Variants in PHF20 observed in about 807,000 individuals in gnomAD.
PHF20 encodes PHD finger protein 20, also known as glioma-expressed antigen 2.
In PHF20, 23 loss-of-function variants were observed where a neutral mutation model predicts 113.5. The ratio of observed to expected loss-of-function variants is 0.20; its 90% CI spans 0.15 to 0.29. The LOEUF is 0.29. Ranked by LOEUF, PHF20 falls within the 10% of genes least tolerant of loss-of-function variation. The pLI is 1.00. For synonymous variants in PHF20, 434 were observed against 457.3 expected (o/e 0.95, Z 0.65); for missense variants, 943 against 1,219.6 (o/e 0.77, Z 3.38).
rs1299504699 is a variant in PHF20 at position 35,949,012 on chromosome 20, G to A, written c.*1385G>A. ...GCGACCTTTGGAATAGTTAAGCACAGGTCATTGTGGACATGAATTCAGGCC... is the reference window on the plus strand; with the variant it reads ...GCGACCTTTGGAATAGTTAAGCACAAGTCATTGTGGACATGAATTCAGGCC... On this transcript the variant is annotated 3_prime_UTR_variant, in exon 18 of 18. Transcript: ENST00000374012. 1 of 152,540 alleles carries A rather than the reference G, an allele frequency of 6.6e-6. No homozygotes were observed. The highest frequency in any genetic ancestry group is 1.5e-5 in the Non-Finnish European group (1 of 67,998). 9.4% of individuals were successfully genotyped at this position (152,540 alleles called of 1,614,324 possible). A position where few individuals can be genotyped will look rare whatever the true frequency, so the allele number is the denominator to read the frequency against.
chr20:35,837,516 CT>C, intron 2 of PHF20, among the ~76,000 whole-genome samples: 1 of 152,338 alleles, frequency 6.6e-6, no homozygotes, highest in South Asian at 2.1e-4. Context: ...ATTCACATCT[CT>C]TTTGTTAACT....
chr20:35,832,407 G>A (rs1199468441), intron 2 of PHF20, among the ~76,000 whole-genome samples: 1 of 152,222 alleles, frequency 6.6e-6, no homozygotes, highest in Admixed American at 6.5e-5. Flanking sequence ...TAGTAAGTAA[G>A]AGACAGATGC....
chr20:35,917,580 A>G lies in PHF20; in HGVS notation c.1922A>G (p.Glu641Gly). ...GATGTGACCACCAACCCAGATGAGG[A>G]ACTTGATGGGGATGACCGCTATGAC... The part of the protein sequence containing the change: ...DVDVTTNPDE[E>G]LDGDDRYDFE... Residue 641 changes from glutamate to glycine, a missense_variant, in exon 13 of 18, where the codon GAA becomes GGA. Coordinates refer to ENST00000374012, the MANE Select transcript of PHF20 (RefSeq NM_016436.5). The G allele has an allele frequency of 6.2e-7, 1 of 1,613,960 alleles. No individual in the cohort carries two copies. The highest frequency in any genetic ancestry group is 8.5e-7 in the Non-Finnish European group (1 of 1,179,958).
chr20:35,832,150 C>T (rs2042367180), intron 2 of PHF20, among the ~76,000 whole-genome samples: 1 of 152,224 alleles, frequency 6.6e-6, no homozygotes, highest in African/African-American at 2.4e-5. Context: ...TCCCCAGCTT[C>T]ACTGCCTCTT....
At chr20:35,815,613 A>G (rs1275184373) in intron 2 of PHF20, among the ~76,000 whole-genome samples, 1 of 151,250 alleles carries the variant, frequency 6.6e-6, no homozygotes, top group African/African-American at 2.4e-5. Context: ...CTACAGGCGC[A>G]TGCCACCATG....
rs2041230302 is a variant in PHF20 at position 35,778,997 on chromosome 20, CTTGGGA to C, written c.-33+6921_-33+6926del. ...TTTGGGGAAGGAGCAAGAGGAGGGG[CTTGGGA>C]TTTAAACAAAGGGTTTTTTTTTGTT... On this transcript the variant is annotated intron_variant, in intron 1 of 17. Transcript: ENST00000374012. Among the ~76,000 whole-genome samples, 5 of 151,352 alleles carry C rather than the reference CTTGGGA, an allele frequency of 3.3e-5. No individual in the cohort carries two copies. In the East Asian group the frequency reaches 9.7e-4, roughly 29 times the overall value.
At chr20:35,842,489 G>T in intron 2 of PHF20, 84 bp from the exon 3 acceptor site, 2 of 1,224,484 alleles carry the variant, frequency 1.6e-6, no homozygotes, top group Non-Finnish European at 1.1e-6. Flanking sequence ...CCTTTGGGAA[G>T]AGGTTTGGAA....
intron 1 of PHF20, among the ~76,000 whole-genome samples, chr20:35,797,187 G>A (rs186867186): frequency 1.3e-5 from 2 of 151,694 alleles, no homozygotes; most frequent in East Asian, 3.9e-4. Context: ...CAGTGTACCT[G>A]GCCAAAAATT....
intron 1 of PHF20, among the ~76,000 whole-genome samples, chr20:35,790,839 G>A (rs929277568): frequency 1.3e-5 from 2 of 151,972 alleles, no homozygotes; most frequent in South Asian, 4.2e-4. Context: ...TAGGGGAGCC[G>A]CTGAACTGTT....
rs998214324 is a variant in PHF20 at position 35,948,485 on chromosome 20, T to C, written c.*858T>C. On this transcript the variant is annotated 3_prime_UTR_variant, in exon 18 of 18. Transcript: ENST00000374012. ...CTGTAAAGATTTGTTACAAAGAATG[T>C]GGTTTGGGGAATTACCTTATTTTAT... The C allele has an allele frequency of 6.5e-6, 1 of 152,676 alleles. No individual in the cohort carries two copies. The highest frequency in any genetic ancestry group is 2.4e-5 in the African/African-American group (1 of 41,470). The allele number at this position is 152,676 out of a possible 1,614,324, so 9.5% of individuals were successfully genotyped here.
At position 35,832,033 on chromosome 20, in the gene PHF20, C is replaced by T. The variant is rs147904875; in HGVS notation, c.84-10540C>T. Among the ~76,000 whole-genome samples, 276 of 152,298 alleles carry T rather than the reference C, an allele frequency of 1.8e-3. 1 individual carries two copies. Among genetic ancestry groups the T allele is most frequent in the African/African-American group, 6.4e-3 (264 of 41,572 alleles). ...CATAAGATCCTCCTGGCCCCTCAAA[C>T]GGAGTTGTTGTTTCCTCTATCCCCT... On this transcript the variant is annotated intron_variant, in intron 2 of 17. Transcript: ENST00000374012.
intron 9 of PHF20, among the ~76,000 whole-genome samples, chr20:35,886,205 C>G (rs975063143): frequency 1.4e-5 from 2 of 147,524 alleles, no homozygotes; most frequent in African/African-American, 5.0e-5. Context: ...CTGATGAGAT[C>G]TCAGCTCACT....
chr20:35,946,925 G>A (rs935165955), intron 17 of PHF20, among the ~76,000 whole-genome samples: 2 of 152,054 alleles, frequency 1.3e-5, no homozygotes, highest in Non-Finnish European at 2.9e-5. Context: ...GGCCAGGATG[G>A]TCTTGATCTC....
chr20:35,778,036 A>G (rs1450824381), intron 1 of PHF20, among the ~76,000 whole-genome samples: 1 of 152,162 alleles, frequency 6.6e-6, no homozygotes, highest in Admixed American at 6.6e-5. Flanking sequence ...CTAAGAAATA[A>G]TAGGGAGGAT....
chr20:35,792,250 C>T (rs868435965), intron 1 of PHF20, among the ~76,000 whole-genome samples: 2 of 151,966 alleles, frequency 1.3e-5, no homozygotes, highest in Non-Finnish European at 2.9e-5. Flanking sequence ...TGCAGTGGCT[C>T]GATCTTGGCT....
At chr20:35,926,503 T>G (rs1275048674) in intron 13 of PHF20, among the ~76,000 whole-genome samples, 1 of 152,030 alleles carries the variant, frequency 6.6e-6, no homozygotes, top group Non-Finnish European at 1.5e-5. Flanking sequence ...CCTCCCAAAG[T>G]GCTGGGATTA....
At chr20:35,892,646 T>A (rs1156587198) in intron 9 of PHF20, among the ~76,000 whole-genome samples, 4 of 152,232 alleles carry the variant, frequency 2.6e-5, no homozygotes, top group Non-Finnish European at 1.5e-5. Flanking sequence ...AATCTACTTT[T>A]TGATTTGTGG....
intron 1 of PHF20, chr20:35,775,069 G>A (rs2041144576): frequency 6.6e-6 from 1 of 152,202 alleles, no homozygotes; most frequent in Non-Finnish European, 1.5e-5. Flanking sequence ...CAGATACTTT[G>A]TCTCTTTCTT....
At chr20:35,803,015 A>C (rs1180133100) in intron 2 of PHF20, among the ~76,000 whole-genome samples, 1 of 150,082 alleles carries the variant, frequency 6.7e-6, no homozygotes, top group South Asian at 2.1e-4. Context: ...GCACTTTGGG[A>C]GGCTGAGGTG....
Sources: gnomAD v4.1 joint callset for allele counts (sites outside exome capture counted in the v4.1 genomes callset) on GRCh38, gnomAD v4.1.1 for gene constraint, MANE v1.5 for transcripts, NCBI Gene and HGNC (gene_info 2026-07-23, HGNC 2026-07-21) for gene names.